Variants in CDH7 observed in about 807,000 individuals in gnomAD.
CDH7 encodes the protein cadherin 7.
A neutral mutation model predicts 71.8 loss-of-function variants in CDH7; 25 were observed. The ratio of observed to expected loss-of-function variants is 0.35; its 90% CI spans 0.25 to 0.49. The LOEUF (loss-of-function observed/expected upper bound fraction) is 0.49. Ranked by LOEUF, CDH7 falls within the 20% of genes least tolerant of loss-of-function variation. The pLI is 0.99. For missense variants in CDH7, 862 were observed against 974.6 expected, an observed-to-expected ratio of 0.88 and a Z score of 1.54; for synonymous variants, 381 against 363.8, an observed-to-expected ratio of 1.05 and a Z score of -0.54.
rs185626013 is a variant in CDH7 at position 65,883,125 on chromosome 18, C to A, written c.*2231C>A. 34 of 152,012 alleles carry A rather than the reference C, an allele frequency of 2.2e-4. 1 individual carries two copies. The highest frequency in any genetic ancestry group is 2.0e-3 in the Admixed American group (30 of 15,270). The allele number at this position is 152,012 out of a possible 1,614,324, so 9.4% of individuals were successfully genotyped here. On this transcript the variant is annotated 3_prime_UTR_variant, in exon 12 of 12. Coordinates refer to ENST00000397968, the MANE Select transcript of CDH7 (RefSeq NM_004361.5). ...ATGATAGATTGGAAAAAGAAAGGTT[C>A]ATGTTTAAATAATAATTTAAAATTA...
intron 2 of CDH7, among the ~76,000 whole-genome samples, chr18:65,797,641 G>A (rs1910965696): frequency 6.6e-6 from 1 of 152,136 alleles, no homozygotes; most frequent in Non-Finnish European, 1.5e-5. Context: ...GGAGGGTCTT[G>A]TTATGTGAAC....
rs2144037854 is a variant in CDH7 at position 65,862,607 on chromosome 18, T to C, written c.1613-59T>C. The C allele has an allele frequency of 1.9e-6, 3 of 1,548,968 alleles. No homozygotes were observed. The South Asian group carries it at 3.6e-5, about 19-fold the overall frequency. On this transcript the variant is annotated intron_variant, in intron 10 of 11. Coordinates refer to ENST00000397968, the MANE Select transcript of CDH7 (RefSeq NM_004361.5). ...AGTAAATAGAGTGACTTAAATAAAG[T>C]TTGGGAAGACTGATTCCATCAGAAA...
At position 65,781,936 on chromosome 18, in the gene CDH7, CTCTCTCTCTT is replaced by C. The variant is rs1910262716; in HGVS notation, c.210+18892_210+18901del. 3.3e-5 allele frequency among the ~76,000 whole-genome samples: 4 copies of C among 119,448 alleles called. 1 individual carries two copies. The highest frequency in any genetic ancestry group is 6.5e-5 in the Non-Finnish European group (4 of 61,480). The allele number at this position is 119,448 out of a possible 152,430, so 78.4% of individuals were successfully genotyped here. ...TCTTTCTCTCTTTCTCTCTCTCTCT[CTCTCTCTCTT>C]TCTCTCTTTCTCTCTTTCTCTCTCT... On this transcript the variant is annotated intron_variant, in intron 2 of 11. Transcript: ENST00000397968.
intron 4 of CDH7, among the ~76,000 whole-genome samples, chr18:65,816,124 T>A (rs1405779597): frequency 2.0e-5 from 3 of 152,150 alleles, no homozygotes; most frequent in Non-Finnish European, 4.4e-5. Context: ...TATTAATACT[T>A]CAAACCTGAT....
intron 2 of CDH7, among the ~76,000 whole-genome samples, chr18:65,785,624 A>T (rs1434087171): frequency 6.6e-6 from 1 of 152,064 alleles, no homozygotes; most frequent in African/African-American, 2.4e-5. Context: ...CTAAGTGACA[A>T]AACAATGAAA....
chr18:65,848,570 A>G (rs868780753), intron 7 of CDH7, among the ~76,000 whole-genome samples: 4 of 152,060 alleles, frequency 2.6e-5, no homozygotes, highest in Admixed American at 6.6e-5. Flanking sequence ...AAAATCATGC[A>G]AAGTACATTT....
chr18:65,854,168 C>T (rs904603939), intron 7 of CDH7, among the ~76,000 whole-genome samples: 3 of 151,226 alleles, frequency 2.0e-5, no homozygotes, highest in African/African-American at 7.3e-5. Context: ...TAGCTTGGCA[C>T]AGTGGCCCAT....
intron 2 of CDH7, among the ~76,000 whole-genome samples, chr18:65,806,724 G>A (rs549764389): frequency 5.3e-5 from 8 of 152,162 alleles, no homozygotes; most frequent in South Asian, 2.1e-4. Context: ...ACTTAAGAAC[G>A]TGATTTGCTA....
intron 1 of CDH7, among the ~76,000 whole-genome samples, chr18:65,758,549 A>G (rs892888820): frequency 6.6e-6 from 1 of 152,230 alleles, no homozygotes; most frequent in Non-Finnish European, 1.5e-5. Flanking sequence ...CACAAAGAGT[A>G]TGACAGAGAC....
In CDH7 at chr18:65,885,170, CTA is replaced by C. The variant is rs908303548; in HGVS notation, c.*4278_*4279del. The stretch of plus-strand genomic sequence containing the variant: ...ATTTGCATTTTAAATGTAATTGAAA[CTA>C]TTTCAGAAGAGTGGGATAAGCCCTT... On this transcript the variant is annotated 3_prime_UTR_variant, in exon 12 of 12. Coordinates refer to ENST00000397968, the MANE Select transcript of CDH7 (RefSeq NM_004361.5). 6.6e-6 allele frequency: 1 copy of C among 151,834 alleles called. No homozygotes were observed. The highest frequency in any genetic ancestry group is 2.4e-5 in the African/African-American group (1 of 41,284). The allele number at this position is 151,834 out of a possible 1,614,324, so 9.4% of individuals were successfully genotyped here.
intron 1 of CDH7, among the ~76,000 whole-genome samples, chr18:65,752,227 C>T (rs1176746282): frequency 6.6e-6 from 1 of 152,108 alleles, no homozygotes; most frequent in East Asian, 1.9e-4. Flanking sequence ...TAACTTTATA[C>T]AAAAAATAAG....
At chr18:65,752,060 C>G (rs565990115) in intron 1 of CDH7, among the ~76,000 whole-genome samples, 1 of 152,182 alleles carries the variant, frequency 6.6e-6, no homozygotes, top group Non-Finnish European at 1.5e-5. Flanking sequence ...GCAAATTGAA[C>G]GAGGAATGTA....
intron 11 of CDH7, chr18:65,866,406 G>A (rs1487395379): frequency 6.8e-6 from 1 of 146,494 alleles, no homozygotes; most frequent in African/African-American, 2.5e-5. Flanking sequence ...AAAGGTACTT[G>A]ACTACATGTT....
At chr18:65,761,552 CAG>C (rs928319160) in intron 1 of CDH7, among the ~76,000 whole-genome samples, 3 of 127,356 alleles carry the variant, frequency 2.4e-5, no homozygotes, top group South Asian at 2.6e-4. Flanking sequence ...AAAAAAAAAA[CAG>C]AAATAGGCAA....
chr18:65,873,858 A>T (rs1913996571), intron 11 of CDH7, among the ~76,000 whole-genome samples: 1 of 152,154 alleles, frequency 6.6e-6, no homozygotes, highest in African/African-American at 2.4e-5. Flanking sequence ...CCTTTCCCAT[A>T]CATATTTTCC....
intron 11 of CDH7, among the ~76,000 whole-genome samples, chr18:65,877,600 C>T (rs1274256223): frequency 6.6e-6 from 1 of 152,028 alleles, no homozygotes; most frequent in Non-Finnish European, 1.5e-5. Context: ...ATTTCTCCTC[C>T]TTAATTATGC....
At chr18:65,782,103 CTTCCTTCTTTCTTTCT>C (rs1568182490) in intron 2 of CDH7, among the ~76,000 whole-genome samples, 8 of 31,012 alleles carry the variant, frequency 2.6e-4, no homozygotes, top group East Asian at 1.3e-3. Flanking sequence ...TCCTTCCTTC[CTTCCTTCTTTCTTTCT>C]TTCTTTCTTT....
At chr18:65,845,923 G>C (rs985754741) in intron 7 of CDH7, among the ~76,000 whole-genome samples, 3 of 151,882 alleles carry the variant, frequency 2.0e-5, no homozygotes, top group African/African-American at 4.8e-5. Context: ...AACATAGTGA[G>C]ACCCCTGTCT....
At chr18:65,784,757 G>A (rs1314656584) in intron 2 of CDH7, among the ~76,000 whole-genome samples, 1 of 152,098 alleles carries the variant, frequency 6.6e-6, no homozygotes, top group Non-Finnish European at 1.5e-5. Context: ...AAATCGCTAA[G>A]CTTTTGATTT....
Sources: allele counts gnomAD v4.1 joint callset (sites outside exome capture counted in the v4.1 genomes callset), GRCh38; gene constraint gnomAD v4.1.1; transcripts MANE v1.5; gene names NCBI Gene and HGNC (gene_info 2026-07-23, HGNC 2026-07-21).